Variants in NRXN3 observed in about 807,000 individuals in gnomAD.
NRXN3 encodes the protein neurexin III.
Under a neutral mutation model 137.6 loss-of-function variants are expected in NRXN3, and 32 were observed. That is an observed-to-expected ratio of 0.23 (90% CI 0.18 to 0.31). NRXN3 has a LOEUF of 0.31. Ranked by LOEUF, NRXN3 falls within the 10% of genes least tolerant of loss-of-function variation. NRXN3 has a pLI of 1.00. For synonymous variants in NRXN3, 798 were observed against 784.5 expected, an observed-to-expected ratio of 1.02 and a Z score of -0.29; for missense variants, 1,574 against 2,062.5, an observed-to-expected ratio of 0.76 and a Z score of 4.59.
chr14:79,851,585 A>G (rs997127263), intron 20 of NRXN3, among the ~76,000 whole-genome samples: 14 of 152,160 alleles, frequency 9.2e-5, no homozygotes, highest in Admixed American at 6.6e-4. Flanking sequence ...GTCCCCTAAA[A>G]GAGTTCTTAG....
intron 6 of NRXN3, among the ~76,000 whole-genome samples, chr14:78,663,938 T>A (rs2097860540): frequency 6.6e-6 from 1 of 152,226 alleles, no homozygotes; most frequent in Non-Finnish European, 1.5e-5. Context: ...CAAAAATTGT[T>A]TTGCAAATGC....
intron 4 of NRXN3, among the ~76,000 whole-genome samples, chr14:78,519,590 G>A (rs1034855177): frequency 1.3e-5 from 2 of 152,118 alleles, no homozygotes; most frequent in Admixed American, 1.3e-4. Context: ...TATCCTCAAA[G>A]TCATCTCAGT....
intron 19 of NRXN3, among the ~76,000 whole-genome samples, chr14:79,778,397 T>C (rs1327626794): frequency 1.3e-5 from 2 of 151,932 alleles, no homozygotes; most frequent in Non-Finnish European, 2.9e-5. Context: ...GCCTGGGCAA[T>C]AGAGTGAGAC....
intron 6 of NRXN3, among the ~76,000 whole-genome samples, chr14:78,694,628 C>T (rs982929858): frequency 6.6e-6 from 1 of 151,888 alleles, no homozygotes; most frequent in Non-Finnish European, 1.5e-5. Flanking sequence ...CAGGCAGCTT[C>T]TCTGTACTAC....
chr14:79,574,457 A>C (rs1299669866), intron 16 of NRXN3, among the ~76,000 whole-genome samples: 2 of 152,206 alleles, frequency 1.3e-5, no homozygotes, highest in Non-Finnish European at 2.9e-5. Context: ...TGATTGAATA[A>C]GATATTTCAT....
chr14:78,798,179 C>T (rs1043892932), intron 8 of NRXN3, among the ~76,000 whole-genome samples: 3 of 152,180 alleles, frequency 2.0e-5, no homozygotes, highest in African/African-American at 7.2e-5. Flanking sequence ...AGGCAAGTCT[C>T]TTCTGCCTAT....
intron 4 of NRXN3, among the ~76,000 whole-genome samples, chr14:78,576,177 G>A (rs1408882732): frequency 6.6e-6 from 1 of 152,160 alleles, no homozygotes; most frequent in African/African-American, 2.4e-5. Context: ...GGAGGAAATA[G>A]AGGCAAGTGA....
At chr14:78,353,830 A>G (rs1018600771) in intron 4 of NRXN3, among the ~76,000 whole-genome samples, 14 of 152,134 alleles carry the variant, frequency 9.2e-5, no homozygotes, top group Admixed American at 8.5e-4. Flanking sequence ...AAATAAAACT[A>G]CAGTCCTGAA....
intron 15 of NRXN3, among the ~76,000 whole-genome samples, chr14:79,334,689 A>T (rs867462383): frequency 3.5e-4 from 53 of 152,176 alleles, no homozygotes; most frequent in South Asian, 6.2e-4. Context: ...GGAGCCACCG[A>T]GGAGGCTGCT....
At chr14:78,576,753 C>T (rs1320885336) in intron 4 of NRXN3, among the ~76,000 whole-genome samples, 2 of 152,180 alleles carry the variant, frequency 1.3e-5, no homozygotes, top group East Asian at 3.9e-4. Context: ...TTGGAAGGTA[C>T]TGCAGGGTTA....
intron 15 of NRXN3, among the ~76,000 whole-genome samples, chr14:79,219,831 A>T (rs993069416): frequency 6.6e-6 from 1 of 152,206 alleles, no homozygotes; most frequent in African/African-American, 2.4e-5. Context: ...AATTAGTTTA[A>T]TGATGCTATA....
chr14:79,332,626 A>T (rs530265917), intron 15 of NRXN3, among the ~76,000 whole-genome samples: 1 of 152,260 alleles, frequency 6.6e-6, no homozygotes, highest in South Asian at 2.1e-4. Context: ...CTCTAAACGG[A>T]CTCAAACATT....
At chr14:78,955,055 G>A (rs1024692562) in intron 10 of NRXN3, among the ~76,000 whole-genome samples, 2 of 152,064 alleles carry the variant, frequency 1.3e-5, no homozygotes, top group African/African-American at 2.4e-5. Context: ...AAAATTAAGC[G>A]ATGTACAAAA....
intron 15 of NRXN3, among the ~76,000 whole-genome samples, chr14:79,160,729 A>C (rs976363808): frequency 3.3e-5 from 5 of 151,892 alleles, no homozygotes; most frequent in Admixed American, 6.6e-5. Flanking sequence ...TAGGATCTAA[A>C]ATGATACTCA....
chr14:78,993,238 A>G (rs1446403258), intron 15 of NRXN3, among the ~76,000 whole-genome samples: 1 of 152,200 alleles, frequency 6.6e-6, no homozygotes, highest in Admixed American at 6.5e-5. Context: ...TGGTGTATTG[A>G]TTAAATCTGT....
At chr14:78,377,033 A>G (rs1567410448) in intron 4 of NRXN3, among the ~76,000 whole-genome samples, 1 of 152,218 alleles carries the variant, frequency 6.6e-6, no homozygotes, top group Non-Finnish European at 1.5e-5. Flanking sequence ...AATAAAGAAC[A>G]GAGAAAATAA....
chr14:79,478,890 T>TA (rs1435070227), intron 16 of NRXN3, among the ~76,000 whole-genome samples: 2 of 152,068 alleles, frequency 1.3e-5, no homozygotes, highest in Non-Finnish European at 2.9e-5. Flanking sequence ...CTGGACCCTG[T>TA]AAGCTGTTGT....
chr14:78,980,636 G>A (rs573111352), intron 14 of NRXN3, among the ~76,000 whole-genome samples: 6 of 152,264 alleles, frequency 3.9e-5, no homozygotes, highest in African/African-American at 1.4e-4. Context: ...TTCTTAATGA[G>A]AAGAACAATC....
chr14:79,578,878 T>A (rs1294507342), intron 16 of NRXN3, among the ~76,000 whole-genome samples: 1 of 152,108 alleles, frequency 6.6e-6, no homozygotes, highest in East Asian at 1.9e-4. Context: ...ATATGTACAG[T>A]GGCATACCCA....
Sources: gnomAD v4.1 joint callset for allele counts (sites outside exome capture counted in the v4.1 genomes callset) on GRCh38, gnomAD v4.1.1 for gene constraint, MANE v1.5 for transcripts, NCBI Gene and HGNC (gene_info 2026-07-23, HGNC 2026-07-21) for gene names.